The following RALGAPA2 variants were observed in gnomAD, a reference collection of about 807,000 sequenced individuals.
The protein encoded by RALGAPA2 is Ral GTPase activating protein catalytic subunit alpha 2.
RALGAPA2 carries 139 observed loss-of-function variants against 230.4 expected under a neutral mutation model. The observed-to-expected ratio is 0.60, with a 90% CI of 0.53 to 0.69. The LOEUF (loss-of-function observed/expected upper bound fraction) is 0.69. Among genes scored for constraint, RALGAPA2 ranks in the 30% least tolerant of loss-of-function variants. RALGAPA2 has a pLI of 0.00. For missense variants in RALGAPA2, 2,163 were observed against 2,276.0 expected (o/e 0.95, Z 1.01); for synonymous variants, 847 against 837.8 (o/e 1.01, Z -0.19).
intron 23 of RALGAPA2, among the ~76,000 whole-genome samples, chr20:20,551,329 A>C (rs1195762120): frequency 6.6e-6 from 1 of 152,260 alleles, no homozygotes; most frequent in Non-Finnish European, 1.5e-5. Context: ...TATGACACGT[A>C]GACAAAGATC....
intron 24 of RALGAPA2, among the ~76,000 whole-genome samples, chr20:20,546,136 A>G (rs1020315547): frequency 2.0e-5 from 3 of 152,238 alleles, no homozygotes; most frequent in Non-Finnish European, 4.4e-5. Context: ...GTAAATGTAG[A>G]GAGTAAAAAT....
chr20:20,543,485 G>A (rs2145683804), intron 24 of RALGAPA2, among the ~76,000 whole-genome samples: 1 of 152,318 alleles, frequency 6.6e-6, no homozygotes, highest in South Asian at 2.1e-4. Flanking sequence ...CAACCCAAAT[G>A]CCTATCAATG....
At chr20:20,452,836 T>G (rs1569413086) in intron 37 of RALGAPA2, among the ~76,000 whole-genome samples, 1 of 152,216 alleles carries the variant, frequency 6.6e-6, no homozygotes, top group Non-Finnish European at 1.5e-5. Context: ...ATTTAAAATG[T>G]TGCACTGAAA....
At chr20:20,443,803 T>C (rs73287237) in intron 37 of RALGAPA2, among the ~76,000 whole-genome samples, 5,507 of 152,288 alleles carry the variant, frequency 0.036, 333 homozygotes, top group African/African-American at 0.13. Context: ...AAAAGCTAAG[T>C]CCTGGATAGC....
intron 23 of RALGAPA2, 126 bp downstream of exon 23, chr20:20,571,330 TAA>T: frequency 9.4e-7 from 1 of 1,064,734 alleles, no homozygotes; most frequent in Non-Finnish European, 1.3e-6. Flanking sequence ...TTGCTGTGTG[TAA>T]AAGAGTTGAA....
At chr20:20,414,032 G>A (rs1353877753) in intron 37 of RALGAPA2, among the ~76,000 whole-genome samples, 4 of 152,246 alleles carry the variant, frequency 2.6e-5, no homozygotes, top group Admixed American at 6.5e-5. Flanking sequence ...CCAGCAAGCC[G>A]CTGGTCCGGG....
At chr20:20,489,839 T>C (rs928058081) in intron 36 of RALGAPA2, among the ~76,000 whole-genome samples, 6 of 152,236 alleles carry the variant, frequency 3.9e-5, no homozygotes, top group African/African-American at 1.4e-4. Flanking sequence ...CCCTTCCTAC[T>C]GAGTAGCTCA....
At chr20:20,405,495 C>T (rs2059926927) in intron 38 of RALGAPA2, among the ~76,000 whole-genome samples, 1 of 152,176 alleles carries the variant, frequency 6.6e-6, no homozygotes. Flanking sequence ...TGACAGGTAG[C>T]AGTGGCACTT....
chr20:20,534,832 G>A (rs1049242245), intron 26 of RALGAPA2, among the ~76,000 whole-genome samples: 1 of 152,148 alleles, frequency 6.6e-6, no homozygotes, highest in Admixed American at 6.5e-5. Context: ...CAATATAAAA[G>A]CAACTTTCCT....
At chr20:20,457,590 T>C (rs1427653159) in intron 37 of RALGAPA2, among the ~76,000 whole-genome samples, 5 of 152,216 alleles carry the variant, frequency 3.3e-5, no homozygotes, top group Admixed American at 3.3e-4. Context: ...AGGGTTGGTA[T>C]TCACCTGGAA....
At chr20:20,450,972 A>T (rs2060975105) in intron 37 of RALGAPA2, among the ~76,000 whole-genome samples, 1 of 152,214 alleles carries the variant, frequency 6.6e-6, no homozygotes, top group South Asian at 2.1e-4. Context: ...TGGTAATAGG[A>T]TAAAATAAAA....
At chr20:20,610,757 C>T (rs1386046320) in intron 14 of RALGAPA2, among the ~76,000 whole-genome samples, 1 of 152,158 alleles carries the variant, frequency 6.6e-6, no homozygotes, top group African/African-American at 2.4e-5. Flanking sequence ...TGGGACTCAT[C>T]CCATAGAACA....
At chr20:20,696,249 G>A (rs1005434125) in intron 1 of RALGAPA2, among the ~76,000 whole-genome samples, 3 of 152,082 alleles carry the variant, frequency 2.0e-5, no homozygotes, top group Admixed American at 6.6e-5. Context: ...AGATTCCACA[G>A]CCACTCATTC....
At chr20:20,710,019 G>C (rs1417574212) in intron 1 of RALGAPA2, among the ~76,000 whole-genome samples, 2 of 152,066 alleles carry the variant, frequency 1.3e-5, no homozygotes, top group Admixed American at 6.6e-5. Context: ...CCTTTAAAAA[G>C]CAAACATTAC....
At chr20:20,660,270 G>A (rs902355511) in intron 3 of RALGAPA2, among the ~76,000 whole-genome samples, 3 of 150,724 alleles carry the variant, frequency 2.0e-5, no homozygotes, top group Non-Finnish European at 1.5e-5. Context: ...TGATACCTTT[G>A]CCTCTGTGAG....
intron 37 of RALGAPA2, among the ~76,000 whole-genome samples, chr20:20,466,904 A>G (rs151118886): frequency 1.3e-5 from 2 of 152,230 alleles, no homozygotes; most frequent in Non-Finnish European, 2.9e-5. Context: ...TGGGCCTGGA[A>G]GTCTCTCATC....
chr20:20,422,736 A>G (rs2060302165), intron 37 of RALGAPA2, among the ~76,000 whole-genome samples: 1 of 152,246 alleles, frequency 6.6e-6, no homozygotes, highest in South Asian at 2.1e-4. Flanking sequence ...GAATCATTTA[A>G]GCATGGAAGA....
At chr20:20,412,637 A>G (rs760546152) in intron 37 of RALGAPA2, among the ~76,000 whole-genome samples, 11 of 152,352 alleles carry the variant, frequency 7.2e-5, no homozygotes, top group Admixed American at 2.0e-4. Context: ...GGCTAGGAAG[A>G]TAGATTCTGA....
chr20:20,492,191 T>C (rs532582881), intron 36 of RALGAPA2, among the ~76,000 whole-genome samples: 1 of 152,286 alleles, frequency 6.6e-6, no homozygotes, highest in Non-Finnish European at 1.5e-5. Flanking sequence ...AGCAAGACTT[T>C]TGTGTACTGA....
Sources: allele counts gnomAD v4.1 joint callset (sites outside exome capture counted in the v4.1 genomes callset), GRCh38; gene constraint gnomAD v4.1.1; transcripts MANE v1.5; gene names NCBI Gene and HGNC (gene_info 2026-07-23, HGNC 2026-07-21).